SLC25A16: variants seen among roughly 807,000 people sequenced by gnomAD.
SLC25A16 encodes mitochondrial coenzyme A transporter SLC25A16.
In SLC25A16, 39 loss-of-function variants were observed where a neutral mutation model predicts 41.5. The ratio of observed to expected loss-of-function variants is 0.94; its 90% CI spans 0.73 to 1.23. The LOEUF (loss-of-function observed/expected upper bound fraction) is 1.23. Among genes scored for constraint, SLC25A16 ranks in the 50% most tolerant of loss-of-function variants. SLC25A16 has a pLI of 0.00. For synonymous variants in SLC25A16, 146 were observed against 147.8 expected (o/e 0.99, Z 0.09); for missense variants, 421 against 426.9 (o/e 0.99, Z 0.12).
Position 68,481,529 on chromosome 10 carries a change from G to C in SLC25A16, c.*1903C>G, listed in dbSNP as rs2052483416. The C allele has an allele frequency of 6.6e-6, 1 of 151,742 alleles. No individual in the cohort carries two copies. Among genetic ancestry groups the C allele is most frequent in the South Asian group, 2.1e-4 (1 of 4,808 alleles). The allele number at this position is 151,742 out of a possible 1,614,324, so 9.4% of individuals were successfully genotyped here. On this transcript the variant is annotated 3_prime_UTR_variant, in exon 9 of 9. Transcript: ENST00000609923. ...TGCCCAGGCTGGTCTCGAACTCCTGGGGTCAAGATATCCTCCCGCCTCAGC... is the reference window on the plus strand; with the variant it reads ...TGCCCAGGCTGGTCTCGAACTCCTGCGGTCAAGATATCCTCCCGCCTCAGC...
chr10:68,518,799 A>T (rs1333199736), intron 1 of SLC25A16, among the ~76,000 whole-genome samples: 3 of 129,868 alleles, frequency 2.3e-5, no homozygotes, highest in Admixed American at 8.3e-5. Flanking sequence ...ATAAATAAAT[A>T]AATAAATAAA....
intron 8 of SLC25A16, among the ~76,000 whole-genome samples, chr10:68,486,240 A>AAAAAAAAAAAAAAAAAAAC (rs1564908736): frequency 6.1e-5 from 9 of 146,838 alleles, no homozygotes; most frequent in African/African-American, 2.4e-4. Context: ...ACAAAAAAAA[A>AAAAAAAAAAAAAAAAAAAC]AAAAAAACAC....
Position 68,527,280 on chromosome 10 carries a change from T to C in SLC25A16, c.96A>G (p.Arg32=), listed in dbSNP as rs2053352643. The C allele has an allele frequency of 6.5e-7, 1 of 1,548,248 alleles. No homozygotes were observed. Residue 32 remains arginine (R), a synonymous_variant, in exon 1 of 9, where the codon AGA becomes AGG. Coordinates refer to ENST00000609923, the MANE Select transcript of SLC25A16 (RefSeq NM_152707.4). ...GAAAGGAGCGCAGCCAGTAGAAGTCTCTGCGGGTTGTGGGCCCTCCGGCCC... is the reference window on the plus strand; with the variant it reads ...GAAAGGAGCGCAGCCAGTAGAAGTCCCTGCGGGTTGTGGGCCCTCCGGCCC... ...AAGAGGPTTR[R]DFYWLRSFLA...
chr10:68,511,892 T>C (rs1438586667), intron 2 of SLC25A16, among the ~76,000 whole-genome samples: 3 of 151,916 alleles, frequency 2.0e-5, no homozygotes, highest in Non-Finnish European at 4.4e-5. Context: ...GTTCTCACTC[T>C]ATCGCCCAGG....
chr10:68,505,123 ACCC>A (rs1233102250), intron 3 of SLC25A16, among the ~76,000 whole-genome samples: 1 of 152,054 alleles, frequency 6.6e-6, no homozygotes, highest in African/African-American at 2.4e-5. Flanking sequence ...ACACAGTGAG[ACCC>A]CATCTCTACA....
chr10:68,490,475 T>C lies in SLC25A16; in HGVS notation c.611-1846A>G, dbSNP rs1485908777. ...CTCTTGCCTCAGCCTCCTGAGTAGC[T>C]GGGATTACAGGCGTGCGCCACCACG... On this transcript the variant is annotated intron_variant, in intron 6 of 8. Coordinates refer to ENST00000609923, the MANE Select transcript of SLC25A16 (RefSeq NM_152707.4). 3.9e-5 allele frequency among the ~76,000 whole-genome samples: 6 copies of C among 152,084 alleles called. No homozygotes were observed. In the South Asian group the frequency reaches 1.2e-3, roughly 32 times the overall value.
intron 6 of SLC25A16, among the ~76,000 whole-genome samples, chr10:68,489,826 G>A (rs192177643): frequency 7.9e-5 from 12 of 151,366 alleles, no homozygotes; most frequent in African/African-American, 2.7e-4. Context: ...GCTTGAACCC[G>A]GGAGGCGGAG....
In SLC25A16 at chr10:68,493,399, C is replaced by T; in HGVS notation, c.543+50G>A. On this transcript the variant is annotated intron_variant, in intron 5 of 8. Coordinates refer to ENST00000609923, the MANE Select transcript of SLC25A16 (RefSeq NM_152707.4). ...ACTTATATGACATTCAAAATATTTTCCTAAGTATAAAAGGGCATGTTATAG... is the reference window on the plus strand; with the variant it reads ...ACTTATATGACATTCAAAATATTTTTCTAAGTATAAAAGGGCATGTTATAG... 2.0e-6 allele frequency: 3 copies of T among 1,486,478 alleles called. No individual in the cohort carries two copies. The South Asian group carries it at 3.5e-5, about 17-fold the overall frequency. The allele number at this position is 1,486,478 out of a possible 1,614,324, so 92.1% of individuals were successfully genotyped here.
intron 1 of SLC25A16, among the ~76,000 whole-genome samples, chr10:68,520,392 T>G (rs1277186916): frequency 2.0e-5 from 3 of 152,138 alleles, no homozygotes; most frequent in African/African-American, 4.8e-5. Context: ...AATAAACAAT[T>G]GACCCGGGCA....
chr10:68,517,011 T>A, intron 1 of SLC25A16, 168 bp from the exon 2 acceptor site: 1 of 1,161,306 alleles, frequency 8.6e-7, no homozygotes, highest in Non-Finnish European at 1.1e-6. Flanking sequence ...TCCTGTAACT[T>A]AATAAGTGAG....
chr10:68,504,268 C>T (rs1463971550), intron 3 of SLC25A16, among the ~76,000 whole-genome samples: 3 of 151,828 alleles, frequency 2.0e-5, no homozygotes, highest in Non-Finnish European at 4.4e-5. Context: ...CCACCCACCT[C>T]GGCCTCTCAA....
chr10:68,485,119 G>A (rs577028209), intron 8 of SLC25A16, among the ~76,000 whole-genome samples: 32 of 151,884 alleles, frequency 2.1e-4, no homozygotes, highest in Non-Finnish European at 4.1e-4. Flanking sequence ...TTATTGACAC[G>A]CAGCCTCGCT....
intron 8 of SLC25A16, 64 bp downstream of exon 8, chr10:68,487,079 TC>T: frequency 2.4e-6 from 3 of 1,242,974 alleles, no homozygotes; most frequent in Non-Finnish European, 3.5e-6. Flanking sequence ...TAGAGTCCTA[TC>T]TCCTTACTGA....
chr10:68,494,850 G>C (rs558423234), intron 4 of SLC25A16, among the ~76,000 whole-genome samples: 173 of 150,040 alleles, frequency 1.2e-3, no homozygotes, highest in African/African-American at 4.1e-3. Flanking sequence ...CTGCACTCCA[G>C]CCCGGGCGAC....
intron 5 of SLC25A16, 62 bp from the exon 6 acceptor site, chr10:68,493,260 G>T: frequency 7.9e-7 from 1 of 1,270,254 alleles, no homozygotes. Flanking sequence ...AAACATCAAA[G>T]AAAAAATCAC....
chr10:68,485,381 C>T (rs908259198), intron 8 of SLC25A16, among the ~76,000 whole-genome samples: 6 of 151,950 alleles, frequency 3.9e-5, no homozygotes, highest in African/African-American at 7.2e-5. Context: ...TGAGCCACCG[C>T]GTCCCAGCCC....
intron 8 of SLC25A16, 138 bp downstream of exon 8, chr10:68,487,006 C>T (rs575640448): frequency 1.3e-4 from 49 of 376,852 alleles, no homozygotes; most frequent in African/African-American, 8.7e-4. Flanking sequence ...TGATTGTAAT[C>T]TTATAAAGTT....
chr10:68,512,795 T>C (rs1227479683), intron 2 of SLC25A16, among the ~76,000 whole-genome samples: 1 of 152,120 alleles, frequency 6.6e-6, no homozygotes, highest in Non-Finnish European at 1.5e-5. Context: ...CCCAGCACTT[T>C]GGGAGGCTGA....
chr10:68,520,495 G>A (rs1174986153), intron 1 of SLC25A16, among the ~76,000 whole-genome samples: 13 of 151,964 alleles, frequency 8.6e-5, no homozygotes, highest in African/African-American at 3.1e-4. Context: ...GGCCAACTTG[G>A]TGAAACCCCG....
Sources: allele counts gnomAD v4.1 joint callset (sites outside exome capture counted in the v4.1 genomes callset), GRCh38; gene constraint gnomAD v4.1.1; transcripts MANE v1.5; gene names NCBI Gene and HGNC (gene_info 2026-07-23, HGNC 2026-07-21).